Variants in ANO2 observed in about 807,000 individuals in gnomAD.
ANO2 encodes the protein anoctamin-2.
Under a neutral mutation model 124.2 loss-of-function variants are expected in ANO2, and 101 were observed. That is an observed-to-expected ratio of 0.81 (90% CI 0.69 to 0.96). The LOEUF (loss-of-function observed/expected upper bound fraction) is 0.96, where lower values mean the gene tolerates loss of function less well. Ranked by LOEUF, ANO2 falls within the 40% of genes least tolerant of loss-of-function variation. The pLI is 0.00. For missense variants in ANO2, 1,293 were observed against 1,274.5 expected (o/e 1.01, Z -0.22); for synonymous variants, 486 against 482.5 (o/e 1.01, Z -0.09).
chr12:5,684,331 C>G (rs1241751820), intron 14 of ANO2, among the ~76,000 whole-genome samples: 1 of 152,218 alleles, frequency 6.6e-6, no homozygotes, highest in African/African-American at 2.4e-5. Context: ...TGAGTCCCTG[C>G]CATGGGCTTG....
intron 3 of ANO2, among the ~76,000 whole-genome samples, chr12:5,864,417 A>T (rs926959258): frequency 2.0e-5 from 3 of 152,258 alleles, no homozygotes; most frequent in African/African-American, 7.2e-5. Flanking sequence ...GAACCAGCCC[A>T]AACAGGGGAT....
intron 14 of ANO2, among the ~76,000 whole-genome samples, chr12:5,660,830 G>A (rs1947400433): frequency 6.6e-6 from 1 of 152,096 alleles, no homozygotes; most frequent in East Asian, 1.9e-4. Flanking sequence ...TCATAATATT[G>A]GGAATGAGTA....
At chr12:5,615,100 G>A in intron 17 of ANO2, 86 bp downstream of exon 17, 3 of 1,049,348 alleles carry the variant, frequency 2.9e-6, no homozygotes, top group Non-Finnish European at 4.2e-6. Context: ...TGGACAATGG[G>A]GACAGGCTGA....
chr12:5,798,379 GCATCTCTGTGTA>G (rs1339854309), intron 10 of ANO2, among the ~76,000 whole-genome samples: 1 of 152,104 alleles, frequency 6.6e-6, no homozygotes, highest in Admixed American at 6.5e-5. Flanking sequence ...GAGGGCCGCT[GCATCTCTGTGTA>G]GGAGGTGAGC....
At chr12:5,639,711 G>T (rs962005639) in intron 15 of ANO2, among the ~76,000 whole-genome samples, 3 of 152,182 alleles carry the variant, frequency 2.0e-5, no homozygotes, top group Admixed American at 2.0e-4. Context: ...CCAGGAGGGG[G>T]CCCTGTAGTG....
intron 10 of ANO2, among the ~76,000 whole-genome samples, chr12:5,770,604 T>C (rs886712416): frequency 1.3e-5 from 2 of 152,126 alleles, no homozygotes; most frequent in African/African-American, 4.8e-5. Flanking sequence ...TGTGTCACCA[T>C]CTCCACCACC....
At chr12:5,794,342 T>A (rs977105520) in intron 10 of ANO2, among the ~76,000 whole-genome samples, 3 of 152,190 alleles carry the variant, frequency 2.0e-5, no homozygotes, top group African/African-American at 7.2e-5. Flanking sequence ...TTGGGCCAGG[T>A]TGGCAGGGAA....
intron 19 of ANO2, among the ~76,000 whole-genome samples, chr12:5,604,860 C>T (rs1944132308): frequency 6.6e-6 from 1 of 152,028 alleles, no homozygotes; most frequent in Non-Finnish European, 1.5e-5. Context: ...CCGTATGATG[C>T]ACTCACTCAT....
chr12:5,926,778 T>C (rs11831747), intron 1 of ANO2, among the ~76,000 whole-genome samples: 8,003 of 152,208 alleles, frequency 0.053, 730 homozygotes, highest in African/African-American at 0.18. Context: ...TTGTGCAGGA[T>C]TGGGAGGAGG....
intron 7 of ANO2, among the ~76,000 whole-genome samples, chr12:5,826,457 T>C (rs1455218934): frequency 1.1e-4 from 1 of 8,912 alleles, no homozygotes; most frequent in South Asian, 0.016. Flanking sequence ...TATATATATA[T>C]ATATATATAT....
intron 14 of ANO2, among the ~76,000 whole-genome samples, chr12:5,672,930 A>C (rs898048228): frequency 2.0e-5 from 3 of 152,132 alleles, no homozygotes; most frequent in African/African-American, 7.2e-5. Context: ...CCACGAATTA[A>C]ATTTTTAAAT....
At chr12:5,877,305 G>A (rs532264712) in intron 3 of ANO2, among the ~76,000 whole-genome samples, 9 of 152,288 alleles carry the variant, frequency 5.9e-5, no homozygotes, top group South Asian at 4.2e-4. Context: ...CATAGGAAGC[G>A]AGGAGACGGC....
At chr12:5,765,841 C>T (rs1951874967) in intron 10 of ANO2, among the ~76,000 whole-genome samples, 1 of 152,098 alleles carries the variant, frequency 6.6e-6, no homozygotes, top group Admixed American at 6.5e-5. Flanking sequence ...ACCCAGAATA[C>T]ATAAAGAACT....
chr12:5,754,345 T>C lies in ANO2; in HGVS notation c.1056-3375A>G, dbSNP rs74909568. ...TACTATTTTGTTGAATAGTTTTGCA[T>C]CTACGTTCATCAGGGATGTTGACCT... On this transcript the variant is annotated intron_variant, in intron 10 of 24. Coordinates refer to ENST00000682330, the MANE Select transcript of ANO2 (RefSeq NM_001364791.2). Among the ~76,000 whole-genome samples the C allele has an allele frequency of 9.9e-4, 151 of 152,340 alleles. 1 individual carries two copies. In the East Asian group the frequency reaches 0.012, roughly 12 times the overall value.
chr12:5,876,882 C>T (rs1036856716), intron 3 of ANO2, among the ~76,000 whole-genome samples: 4 of 152,068 alleles, frequency 2.6e-5, no homozygotes, highest in African/African-American at 4.8e-5. Context: ...ATGTAGATGA[C>T]GGGTTGATAG....
rs1188090351 is a variant in ANO2, at chr12:5,635,276, G to A, written c.1692C>T (p.Leu564=). ...YRITTAAALS[L]NKATRSNVRV... ...GGACATTGGAGCGTGTAGCCTTATT[G>A]AGAGACAGAGCGGCTGCAGTTGTTA... The change falls in exon 16 of 25, where the codon CTC becomes CTT. Residue 564 remains leucine (L), a synonymous_variant. Coordinates refer to ENST00000682330, the MANE Select transcript of ANO2 (RefSeq NM_001364791.2). This position sits in a 1 kb window ranked among gnomAD's most constrained non-coding sequence, Gnocchi z 5.2. 5 of 1,611,400 alleles carry A rather than the reference G, an allele frequency of 3.1e-6. No homozygotes were observed. Among genetic ancestry groups the A allele is most frequent in the Non-Finnish European group, 3.4e-6 (4 of 1,179,326 alleles).
chr12:5,930,791 A>G (rs2136315954), intron 1 of ANO2, among the ~76,000 whole-genome samples: 1 of 152,308 alleles, frequency 6.6e-6, no homozygotes, highest in South Asian at 2.1e-4. Flanking sequence ...GAGGTCCTGC[A>G]GAACAGCACT....
At chr12:5,581,186 T>C (rs1010809449) in intron 20 of ANO2, among the ~76,000 whole-genome samples, 1 of 152,210 alleles carries the variant, frequency 6.6e-6, no homozygotes, top group East Asian at 1.9e-4. Flanking sequence ...TGTCTGTGTT[T>C]AAGTGTATGG....
intron 1 of ANO2, among the ~76,000 whole-genome samples, chr12:5,928,326 C>G (rs1013686609): frequency 2.0e-5 from 3 of 152,196 alleles, no homozygotes; most frequent in Non-Finnish European, 2.9e-5. Context: ...TCCAGCAAAA[C>G]CAGACAGGCC....
Sources: gnomAD v4.1 joint callset for allele counts (sites outside exome capture counted in the v4.1 genomes callset) on GRCh38, gnomAD v4.1.1 for gene constraint, Gnocchi (gnomAD v3.1) non-coding constraint, MANE v1.5 for transcripts, NCBI Gene and HGNC (gene_info 2026-07-23, HGNC 2026-07-21) for gene names.